Variants in PSMB9 observed in about 807,000 individuals in gnomAD.
The protein encoded by PSMB9 is proteasome 20S subunit beta 9, also known as proteasome subunit beta type-9.
In PSMB9, 16 loss-of-function variants were observed where a neutral mutation model predicts 26.9. The ratio of observed to expected loss-of-function variants is 0.59; its 90% CI spans 0.40 to 0.90. PSMB9 has a LOEUF of 0.90. PSMB9 is among the 40% of genes least tolerant of loss of function. The pLI is 0.00. For missense variants in PSMB9, 253 were observed against 292.2 expected, an observed-to-expected ratio of 0.87 and a Z score of 0.98; for synonymous variants, 91 against 112.0, an observed-to-expected ratio of 0.81 and a Z score of 1.18.
At chr6:32,855,860 A>C (rs1771137937) in intron 1 of PSMB9, among the ~76,000 whole-genome samples, 1 of 152,182 alleles carries the variant, frequency 6.6e-6, no homozygotes, top group Admixed American at 6.5e-5. Flanking sequence ...ACCTCTCTAC[A>C]GTGGAGAGGA....
Position 32,858,117 on chromosome 6 carries a change from C to G in PSMB9, c.373C>G (p.Gln125Glu). The G allele has an allele frequency of 6.2e-7, 1 of 1,613,032 alleles. No homozygotes were observed. Among genetic ancestry groups the G allele is most frequent in the Non-Finnish European group, 8.5e-7 (1 of 1,180,000 alleles). ...SAHLMVAGWD[Q>E]REGGQVYGTL... ...ACATCTCATGGTAGCTGGCTGGGAC[C>G]AACGTGAAGGAGGTCAGGTGAGTTT... The change falls in exon 4 of 6, where the codon CAA becomes GAA. Residue 125 changes from glutamine (Q) to glutamate (E), a missense_variant. By Grantham distance (29) the Gln-to-Glu change is conservative (BLOSUM62 2). Coordinates refer to ENST00000374859, the MANE Select transcript of PSMB9 (RefSeq NM_002800.5). The surrounding 1 kb of genome is among the most constrained non-coding windows in gnomAD (Gnocchi z 5.2).
At chr6:32,856,335 C>T in intron 2 of PSMB9, 130 bp downstream of exon 2, 1 of 890,700 alleles carries the variant, frequency 1.1e-6, no homozygotes, top group East Asian at 2.5e-5. Flanking sequence ...TCCCCAAAAG[C>T]CACTATGATA....
Position 32,854,518 on chromosome 6 carries a change from G to A in PSMB9, c.60+229G>A, listed in dbSNP as rs1382117739. 6.6e-6 allele frequency among the ~76,000 whole-genome samples: 1 copy of A among 152,146 alleles called. No individual in the cohort carries two copies. The highest frequency in any genetic ancestry group is 1.5e-5 in the Non-Finnish European group (1 of 68,020). ...CAGGCACGCGAGGCTGGTGGAAAAA[G>A]CGGGTGCTTTGACTCTTAGCTGGAA... On this transcript the variant is annotated intron_variant, in intron 1 of 5. Transcript: ENST00000374859. The surrounding 1 kb of genome is among the most constrained non-coding windows in gnomAD (Gnocchi z 4.6).
Position 32,857,313 on chromosome 6 carries a change from G to GTGCACGAGCA in PSMB9, c.179_180insTGCACGAGCA (p.Ile61AlafsTer14), listed in dbSNP as rs773408811. 1.4e-5 allele frequency: 23 copies of GTGCACGAGCA among 1,611,752 alleles called. No individual in the cohort carries two copies. The highest frequency in any genetic ancestry group is 1.9e-5 in the Non-Finnish European group (23 of 1,179,540). ...GACAAGCTGTCCCCGCTGCACGAGCGCATCTACTGTGCACTCTCTGGTTCA... is the reference window on the plus strand; with the variant it reads ...GACAAGCTGTCCCCGCTGCACGAGCGTGCACGAGCACATCTACTGTGCACTCTCTGGTTCA... On this transcript the variant is annotated frameshift_variant, in exon 3 of 6. Coordinates refer to ENST00000374859, the MANE Select transcript of PSMB9 (RefSeq NM_002800.5). LOFTEE classifies it high-confidence loss of function.
chr6:32,858,072 T>G lies in PSMB9; in HGVS notation c.328T>G (p.Tyr110Asp), dbSNP rs1771250314. 1 of 1,613,096 alleles carries G rather than the reference T, an allele frequency of 6.2e-7. No homozygotes were observed. Among genetic ancestry groups the G allele is most frequent in the East Asian group, 2.2e-5 (1 of 44,888 alleles). Residue 110 changes from tyrosine to aspartate, a missense_variant, in exon 4 of 6, where the codon TAT becomes GAT. Tyr to Asp is a radical substitution (Grantham distance 160, BLOSUM62 -3). Transcript: ENST00000374859. This position sits in a 1 kb window ranked among gnomAD's most constrained non-coding sequence, Gnocchi z 5.2. ...TGTGGTGAGAAATATCAGCTATAAA[T>G]ATCGAGAGGACTTGTCTGCACATCT... ...ANVVRNISYK[Y>D]REDLSAHLMV...
At chr6:32,855,110 G>A (rs36234338) in intron 1 of PSMB9, among the ~76,000 whole-genome samples, 2,937 of 152,258 alleles carry the variant, frequency 0.019, 44 homozygotes, top group Non-Finnish European at 0.023. Flanking sequence ...TCAGAGGAGC[G>A]TCCTTTGGGG....
intron 1 of PSMB9, among the ~76,000 whole-genome samples, chr6:32,855,096 A>G (rs910422235): frequency 2.0e-5 from 3 of 152,194 alleles, no homozygotes; most frequent in African/African-American, 7.2e-5. Flanking sequence ...GTCGGAAAGC[A>G]TACTCAGAGG....
Position 32,857,414 on chromosome 6 carries a change from T to C in PSMB9, c.260+20T>C. On this transcript the variant is annotated intron_variant, in intron 3 of 5. Coordinates refer to ENST00000374859, the MANE Select transcript of PSMB9 (RefSeq NM_002800.5). The stretch of plus-strand genomic sequence containing the variant: ...CCATGGGTATGAAGCTCTGGAGTTC[T>C]GACTCCCCACCCACTAGAGCTCCCC... 1 of 1,609,054 alleles carries C rather than the reference T, an allele frequency of 6.2e-7. No homozygotes were observed. Among genetic ancestry groups the C allele is most frequent in the Non-Finnish European group, 8.5e-7 (1 of 1,178,704 alleles).
At chr6:32,855,667 G>C (rs1771125340) in intron 1 of PSMB9, among the ~76,000 whole-genome samples, 1 of 151,756 alleles carries the variant, frequency 6.6e-6, no homozygotes, top group African/African-American at 2.4e-5. Context: ...TGATGAAATG[G>C]GGGGTGAGAG....
At chr6:32,859,297 G>C in intron 5 of PSMB9, 108 bp from the exon 6 acceptor site, 1 of 1,347,468 alleles carries the variant, frequency 7.4e-7, no homozygotes, top group Non-Finnish European at 9.9e-7. Flanking sequence ...TGGAAGATGA[G>C]TTTTGAGGTG....
chr6:32,857,941 G>T, intron 3 of PSMB9, 64 bp from the exon 4 acceptor site: 1 of 1,595,820 alleles, frequency 6.3e-7, no homozygotes, highest in Non-Finnish European at 8.6e-7. Context: ...CAGGGATGAT[G>T]GTAACAGTAT....
intron 2 of PSMB9, chr6:32,856,509 G>A (rs907481675): frequency 6.2e-6 from 2 of 324,070 alleles, no homozygotes; most frequent in Non-Finnish European, 1.1e-5. Flanking sequence ...TCTGTGCTTA[G>A]GGATCAAAAA....
At chr6:32,857,602 A>T in intron 3 of PSMB9, 2 of 567,218 alleles carry the variant, frequency 3.5e-6, no homozygotes, top group Non-Finnish European at 6.0e-6. Flanking sequence ...TGAGAACCAC[A>T]TTCTATATGT....
At position 32,859,608 on chromosome 6, in the gene PSMB9, G is replaced by T; in HGVS notation, c.*76G>T. On this transcript the variant is annotated 3_prime_UTR_variant, in exon 6 of 6. Transcript: ENST00000374859. ...AAACCTGGTATGGTCATTGGGAAATGAGTGCTCAGGGAGATGGAGCTTAGG... is the reference window on the plus strand; with the variant it reads ...AAACCTGGTATGGTCATTGGGAAATTAGTGCTCAGGGAGATGGAGCTTAGG... The T allele has an allele frequency of 5.2e-6, 8 of 1,536,898 alleles. No homozygotes were observed. In the South Asian group the frequency reaches 9.6e-5, roughly 18 times the overall value.
intron 1 of PSMB9, among the ~76,000 whole-genome samples, chr6:32,855,807 C>T (rs569319155): frequency 6.6e-6 from 1 of 152,258 alleles, no homozygotes; most frequent in South Asian, 2.1e-4. Flanking sequence ...ATAATTTTCA[C>T]TTGCGGAGCT....
At position 32,854,267 on chromosome 6, in the gene PSMB9, G is replaced by A. The variant is rs565577500; in HGVS notation, c.38G>A (p.Arg13Gln). The A allele has an allele frequency of 3.7e-5, 56 of 1,523,144 alleles. No homozygotes were observed. The Admixed American group carries it at 7.6e-4, about 21-fold the overall frequency. 94.4% of individuals were successfully genotyped at this position (1,523,144 alleles called of 1,614,324 possible). ...GGAGCACCAACCGGGGACTTACCCCGGGCGGGAGAAGTCCACACCGGGGTA... is the reference window on the plus strand; with the variant it reads ...GGAGCACCAACCGGGGACTTACCCCAGGCGGGAGAAGTCCACACCGGGGTA... ...RAGAPTGDLPRAGEVHTGTTI... is the reference protein window; with the variant it reads ...RAGAPTGDLPQAGEVHTGTTI... Residue 13 changes from arginine (R) to glutamine (Q), a missense_variant, in exon 1 of 6, where the codon CGG becomes CAG. Transcript: ENST00000374859. The surrounding 1 kb of genome is among the most constrained non-coding windows in gnomAD (Gnocchi z 4.6).
Position 32,854,223 on chromosome 6 carries a change from T to C in PSMB9, c.-7T>C. ...CCAGGCGGCGAGGAGAGCGGTGCCT[T>C]GCAGGGATGCTGCGGGCGGGAGCAC... On this transcript the variant is annotated 5_prime_UTR_variant, in exon 1 of 6. Transcript: ENST00000374859. This position sits in a 1 kb window ranked among gnomAD's most constrained non-coding sequence, Gnocchi z 4.6. 2 of 1,545,346 alleles carry C rather than the reference T, an allele frequency of 1.3e-6. No homozygotes were observed. Among genetic ancestry groups the C allele is most frequent in the Non-Finnish European group, 1.7e-6 (2 of 1,146,172 alleles).
In PSMB9 at chr6:32,857,850, T is replaced by C. The variant is rs1318673333; in HGVS notation, c.261-155T>C. On this transcript the variant is annotated intron_variant, in intron 3 of 5. Transcript: ENST00000374859. ...GAAAGCTTCTTACCAGTTGGTGGTGTGGGACTCTGGTTCCCCTGTACATGT... is the reference window on the plus strand; with the variant it reads ...GAAAGCTTCTTACCAGTTGGTGGTGCGGGACTCTGGTTCCCCTGTACATGT... 3 of 790,430 alleles carry C rather than the reference T, an allele frequency of 3.8e-6. No individual in the cohort carries two copies. In the African/African-American group the frequency reaches 5.2e-5, roughly 14 times the overall value. The allele number at this position is 790,430 out of a possible 1,614,324, so 49.0% of individuals were successfully genotyped here. A position where few individuals can be genotyped will look rare whatever the true frequency, so the allele number is the denominator to read the frequency against.
In PSMB9 at chr6:32,859,747, C is replaced by A. The variant is rs1771375024; in HGVS notation, c.*215C>A. Among the ~76,000 whole-genome samples the A allele has an allele frequency of 1.3e-5, 2 of 152,020 alleles. No homozygotes were observed. The highest frequency in any genetic ancestry group is 4.8e-5 in the African/African-American group (2 of 41,332). On this transcript the variant is annotated 3_prime_UTR_variant, in exon 6 of 6. Coordinates refer to ENST00000374859, the MANE Select transcript of PSMB9 (RefSeq NM_002800.5). Reference sequence around the variant, plus strand: ...GGGACTAAACTAGAAATATAAAGAGCCCTATACATGACAGGTGATCACGTA... The same window carrying A: ...GGGACTAAACTAGAAATATAAAGAGACCTATACATGACAGGTGATCACGTA...
Sources: gnomAD v4.1 joint callset for allele counts (sites outside exome capture counted in the v4.1 genomes callset) on GRCh38, gnomAD v4.1.1 for gene constraint, Gnocchi (gnomAD v3.1) non-coding constraint, MANE v1.5 for transcripts, NCBI Gene and HGNC (gene_info 2026-07-23, HGNC 2026-07-21) for gene names.